Variants in RREB1 observed in about 807,000 individuals in gnomAD.
RREB1 encodes ras-responsive element-binding protein 1.
Under a neutral mutation model 117.8 loss-of-function variants are expected in RREB1, and 27 were observed. The ratio of observed to expected loss-of-function variants is 0.23; its 90% CI spans 0.17 to 0.32. The LOEUF is 0.32. Among genes scored for constraint, RREB1 ranks in the 10% least tolerant of loss-of-function variants. RREB1 has a pLI of 1.00. For synonymous variants in RREB1, 1,298 were observed against 1,026.7 expected (o/e 1.26, Z -5.05); for missense variants, 2,577 against 2,378.2 (o/e 1.08, Z -1.74).
chr6:7,211,690 C>G lies in RREB1; in HGVS notation c.688C>G (p.His230Asp). 6.2e-7 allele frequency: 1 copy of G among 1,614,120 alleles called. No individual in the cohort carries two copies. Among genetic ancestry groups the G allele is most frequent in the Non-Finnish European group, 8.5e-7 (1 of 1,179,962 alleles). The change falls in exon 8 of 13, where the codon CAT becomes GAT. Residue 230 changes from histidine to aspartate, a missense_variant. Physicochemically the swap from His to Asp is moderately conservative, Grantham distance 81. Coordinates refer to ENST00000379938, the MANE Select transcript of RREB1 (RefSeq NM_001003699.4). ...TGGACTGGAGACCCACATGGAGACC[C>G]ATTCAGATAACCCACTAAGGTAGGA... ...KYGLETHMET[H>D]SDNPLRCDIC...
chr6:7,128,163 T>G (rs1424296314), intron 1 of RREB1, among the ~76,000 whole-genome samples: 2 of 152,202 alleles, frequency 1.3e-5, no homozygotes, highest in African/African-American at 2.4e-5. Flanking sequence ...GGGGTAGGCC[T>G]CCTGTAAACT....
In RREB1 at chr6:7,138,849, C is replaced by T. The variant is rs542358216; in HGVS notation, c.-285+30789C>T. Among the ~76,000 whole-genome samples the T allele has an allele frequency of 1.1e-4, 16 of 152,178 alleles. No homozygotes were observed. In the East Asian group the frequency reaches 1.7e-3, roughly 17 times the overall value. On this transcript the variant is annotated intron_variant, in intron 1 of 12. Transcript: ENST00000379938. ...CTAGTTGCTGGAGAAGGTAATCCTC[C>T]GTAATAAGAGTATAGTTTACCTTAT...
At chr6:7,151,016 C>G (rs1763098534) in intron 1 of RREB1, among the ~76,000 whole-genome samples, 1 of 152,192 alleles carries the variant, frequency 6.6e-6, no homozygotes, top group Non-Finnish European at 1.5e-5. Flanking sequence ...GCACAGAGAA[C>G]TCATCCGTGC....
chr6:7,136,983 C>T (rs1027191357), intron 1 of RREB1, among the ~76,000 whole-genome samples: 3 of 152,232 alleles, frequency 2.0e-5, no homozygotes, highest in Non-Finnish European at 4.4e-5. Context: ...ACCTGGCCTC[C>T]CTCTTTCACT....
intron 10 of RREB1, among the ~76,000 whole-genome samples, chr6:7,235,538 G>A (rs1201029173): frequency 6.6e-6 from 1 of 152,178 alleles, no homozygotes; most frequent in Non-Finnish European, 1.5e-5. Context: ...ATGTTACCCA[G>A]GCTGTTCTCG....
At chr6:7,228,376 C>T (rs910652536) in intron 9 of RREB1, among the ~76,000 whole-genome samples, 9 of 151,812 alleles carry the variant, frequency 5.9e-5, no homozygotes, top group African/African-American at 2.2e-4. Flanking sequence ...AACTATACTT[C>T]AGAATCTCTA....
intron 1 of RREB1, among the ~76,000 whole-genome samples, chr6:7,136,489 CG>C (rs1561737249): frequency 6.6e-6 from 1 of 152,036 alleles, no homozygotes; most frequent in African/African-American, 2.4e-5. Context: ...TTGCCCAGGC[CG>C]GTCTCGAACT....
At chr6:7,111,911 C>A (rs944308061) in intron 1 of RREB1, among the ~76,000 whole-genome samples, 2 of 152,132 alleles carry the variant, frequency 1.3e-5, no homozygotes, top group Non-Finnish European at 1.5e-5. Context: ...AAAGTTATGT[C>A]TTTTATTCCG....
At chr6:7,213,800 T>C (rs1023025598) in intron 8 of RREB1, 2 of 152,252 alleles carry the variant, frequency 1.3e-5, no homozygotes, top group African/African-American at 4.8e-5. Flanking sequence ...ACAGGCTGTC[T>C]CTGAGCCCGT....
chr6:7,117,854 G>A (rs183659511), intron 1 of RREB1, among the ~76,000 whole-genome samples: 133 of 152,120 alleles, frequency 8.7e-4, no homozygotes, highest in African/African-American at 3.0e-3. Flanking sequence ...TGAGATTACA[G>A]GTATGAGGTA....
At chr6:7,228,920 T>G in intron 9 of RREB1, 77 bp from the exon 10 acceptor site, 3 of 1,303,710 alleles carry the variant, frequency 2.3e-6, no homozygotes, top group Non-Finnish European at 3.1e-6. Context: ...AACAAATACT[T>G]TGTGCATCTC....
intron 1 of RREB1, among the ~76,000 whole-genome samples, chr6:7,145,301 G>C (rs1762808556): frequency 6.6e-6 from 1 of 152,122 alleles, no homozygotes. Flanking sequence ...AAGTCTCCTT[G>C]GACTTTTCTC....
At chr6:7,109,106 C>G (rs1402960208) in intron 1 of RREB1, among the ~76,000 whole-genome samples, 1 of 151,988 alleles carries the variant, frequency 6.6e-6, no homozygotes, top group Non-Finnish European at 1.5e-5. Flanking sequence ...CGCCGGGGCC[C>G]GCTCCGCCGC....
intron 11 of RREB1, among the ~76,000 whole-genome samples, chr6:7,244,872 G>T (rs753285600): frequency 1.3e-5 from 2 of 152,216 alleles, no homozygotes; most frequent in Non-Finnish European, 2.9e-5. Context: ...TGACCGCCTT[G>T]ATGGCAAATC....
In RREB1 at chr6:7,156,410, C is replaced by G. The variant is rs529956015; in HGVS notation, c.-284-20245C>G. 1.2e-4 allele frequency among the ~76,000 whole-genome samples: 18 copies of G among 152,298 alleles called. No homozygotes were observed. The South Asian group carries it at 3.7e-3, about 32-fold the overall frequency. ...AATTGAATCACAGATTTGCTCAGAC[C>G]AATCTAACCTGTGAGGAAGGCCAGG... On this transcript the variant is annotated intron_variant, in intron 1 of 12. Transcript: ENST00000379938.
At chr6:7,195,954 C>T (rs1424432873) in intron 6 of RREB1, among the ~76,000 whole-genome samples, 1 of 152,246 alleles carries the variant, frequency 6.6e-6, no homozygotes, top group Non-Finnish European at 1.5e-5. Context: ...GCGTGGATTT[C>T]TGGAGTTTCA....
chr6:7,126,246 C>A (rs927029315), intron 1 of RREB1, among the ~76,000 whole-genome samples: 1 of 151,592 alleles, frequency 6.6e-6, no homozygotes, highest in Non-Finnish European at 1.5e-5. Flanking sequence ...GTGATCCGCC[C>A]GCCTTGGCCT....
chr6:7,198,802 T>C (rs1289603988), intron 6 of RREB1, among the ~76,000 whole-genome samples: 1 of 152,182 alleles, frequency 6.6e-6, no homozygotes, highest in Non-Finnish European at 1.5e-5. Flanking sequence ...TAAAAAAAAA[T>C]ATGTAAGTGT....
At chr6:7,223,595 G>T (rs956186278) in intron 8 of RREB1, among the ~76,000 whole-genome samples, 4 of 141,126 alleles carry the variant, frequency 2.8e-5, no homozygotes, top group Non-Finnish European at 4.6e-5. Flanking sequence ...TATTCAGGAA[G>T]ATCTCTAGGA....
Sources: gnomAD v4.1 joint callset for allele counts (sites outside exome capture counted in the v4.1 genomes callset) on GRCh38, gnomAD v4.1.1 for gene constraint, MANE v1.5 for transcripts, NCBI Gene and HGNC (gene_info 2026-07-23, HGNC 2026-07-21) for gene names.